MED26: variants seen among roughly 807,000 people sequenced by gnomAD.
MED26 encodes mediator complex subunit 26.
MED26 carries 7 observed loss-of-function variants against 43.7 expected under a neutral mutation model. The ratio of observed to expected loss-of-function variants is 0.16; its 90% CI spans 0.09 to 0.30. The LOEUF (loss-of-function observed/expected upper bound fraction) is 0.30. Among genes scored for constraint, MED26 ranks in the 10% least tolerant of loss-of-function variants. The pLI, the probability that MED26 is intolerant of heterozygous loss-of-function variation, is 1.00. For missense variants in MED26, 784 were observed against 840.6 expected (o/e 0.93, Z 0.83); for synonymous variants, 375 against 371.1 (o/e 1.01, Z -0.12).
At chr19:16,620,114 C>G (rs1438379692) in intron 1 of MED26, among the ~76,000 whole-genome samples, 3 of 152,150 alleles carry the variant, frequency 2.0e-5, no homozygotes, top group Admixed American at 6.5e-5. Flanking sequence ...TCAGCCAGTT[C>G]CAGAGAAAGC....
chr19:16,603,791 T>TCTGGCTCCGTAAGG (rs1223759526), intron 1 of MED26, among the ~76,000 whole-genome samples: 12 of 152,262 alleles, frequency 7.9e-5, no homozygotes, highest in African/African-American at 2.9e-4. Flanking sequence ...GGGAAGGGTC[T>TCTGGCTCCGTAAGG]CTGGCTCCGT....
chr19:16,617,343 T>G (rs187883204), intron 1 of MED26, among the ~76,000 whole-genome samples: 181 of 152,182 alleles, frequency 1.2e-3, no homozygotes, highest in African/African-American at 4.2e-3. Context: ...GCACAAAAGG[T>G]CCTGCTCCTT....
chr19:16,584,369 T>G (rs2086061369), intron 1 of MED26, among the ~76,000 whole-genome samples: 1 of 151,746 alleles, frequency 6.6e-6, no homozygotes, highest in Admixed American at 6.6e-5. Flanking sequence ...GCTGGCACCT[T>G]TGTCCCCAGA....
intron 1 of MED26, among the ~76,000 whole-genome samples, chr19:16,592,041 C>T (rs1052502603): frequency 7.9e-5 from 12 of 152,196 alleles, no homozygotes; most frequent in African/African-American, 2.9e-4. Flanking sequence ...CTCAAGGAGG[C>T]CCAGCCCCAC....
chr19:16,620,888 A>G (rs575543777), intron 1 of MED26, among the ~76,000 whole-genome samples: 25 of 152,212 alleles, frequency 1.6e-4, no homozygotes, highest in Non-Finnish European at 3.1e-4. Context: ...AATTTTCTTT[A>G]AAACAGTTAC....
At chr19:16,602,005 G>A (rs1170103854) in intron 1 of MED26, among the ~76,000 whole-genome samples, 1 of 152,168 alleles carries the variant, frequency 6.6e-6, no homozygotes, top group Non-Finnish European at 1.5e-5. Flanking sequence ...AAGGCAGGCC[G>A]GGAAGCCCAC....
chr19:16,608,908 A>G (rs1215687698), intron 1 of MED26, among the ~76,000 whole-genome samples: 1 of 152,260 alleles, frequency 6.6e-6, no homozygotes, highest in Non-Finnish European at 1.5e-5. Context: ...AAAGCGTGTC[A>G]TGCCTGAAGT....
chr19:16,595,632 A>C (rs2086116770), intron 1 of MED26, among the ~76,000 whole-genome samples: 1 of 152,142 alleles, frequency 6.6e-6, no homozygotes, highest in East Asian at 1.9e-4. Context: ...GTGTGGAGCC[A>C]ACTCACACCC....
In MED26 at chr19:16,576,000, G is replaced by C. The variant is rs752414155; in HGVS notation, c.*27C>G. On this transcript the variant is annotated 3_prime_UTR_variant, in exon 3 of 3. Transcript: ENST00000263390. ...CGCCCACCCGGCTTCTGCAAGATGG[G>C]AATGCACTTTGTGGCTGACAGGCCG... is the stretch of plus-strand genomic sequence containing the variant. 1 of 1,591,722 alleles carries C rather than the reference G, an allele frequency of 6.3e-7. No individual in the cohort carries two copies. Among genetic ancestry groups the C allele is most frequent in the African/African-American group, 1.3e-5 (1 of 74,738 alleles).
At chr19:16,618,195 C>T (rs983328699) in intron 1 of MED26, among the ~76,000 whole-genome samples, 4 of 152,154 alleles carry the variant, frequency 2.6e-5, no homozygotes, top group African/African-American at 9.7e-5. Flanking sequence ...TTCAGAGAAG[C>T]TACAGGAGGG....
rs536987424 is a variant in MED26 at position 16,591,804 on chromosome 19, C to T, written c.73-13395G>A. Among the ~76,000 whole-genome samples, 42 of 152,306 alleles carry T rather than the reference C, an allele frequency of 2.8e-4. 1 individual carries two copies. The South Asian group carries it at 6.8e-3, about 25-fold the overall frequency. On this transcript the variant is annotated intron_variant, in intron 1 of 2. Coordinates refer to ENST00000263390, the MANE Select transcript of MED26 (RefSeq NM_004831.5). ...ACGGTGCGTCTGACAGAGTCTTTTCCCTCCTAATTCCGCATGGTTTTCTCC... is the reference window on the plus strand; with the variant it reads ...ACGGTGCGTCTGACAGAGTCTTTTCTCTCCTAATTCCGCATGGTTTTCTCC...
intron 1 of MED26, among the ~76,000 whole-genome samples, chr19:16,599,163 A>T (rs2086136657): frequency 6.6e-6 from 1 of 151,920 alleles, no homozygotes; most frequent in Non-Finnish European, 1.5e-5. Flanking sequence ...TTTTTTTTCT[A>T]CTTCACTCTT....
Position 16,576,859 on chromosome 19 carries a change from G to A in MED26, c.971C>T (p.Pro324Leu). Residue 324 changes from proline to leucine, a missense_variant, in exon 3 of 3, where the codon CCC (proline) becomes CTC (leucine). Coordinates refer to ENST00000263390, the MANE Select transcript of MED26 (RefSeq NM_004831.5). The surrounding 1 kb of genome is among the most constrained non-coding windows in gnomAD (Gnocchi z 6.8). ...CAGCAGCTCGAGCCGCCGTACGGGG[G>A]GTGTGGACGGCTGTGCCAGTGGAAG... ...SPLPLAQPST[P>L]PVRRLELLPS... 6.2e-7 allele frequency: 1 copy of A among 1,610,960 alleles called. No individual in the cohort carries two copies. The highest frequency in any genetic ancestry group is 8.5e-7 in the Non-Finnish European group (1 of 1,178,764).
intron 1 of MED26, among the ~76,000 whole-genome samples, chr19:16,607,897 A>G (rs1297178428): frequency 6.6e-6 from 1 of 152,204 alleles, no homozygotes; most frequent in Non-Finnish European, 1.5e-5. Context: ...GCTCCTCGTG[A>G]GCCAATGAGG....
chr19:16,597,856 G>A (rs2086129131), intron 1 of MED26, among the ~76,000 whole-genome samples: 1 of 152,124 alleles, frequency 6.6e-6, no homozygotes, highest in East Asian at 1.9e-4. Context: ...ACAAGCAGCT[G>A]GGATTACAGG....
intron 1 of MED26, among the ~76,000 whole-genome samples, chr19:16,583,345 C>G (rs991636093): frequency 3.3e-5 from 5 of 152,380 alleles, no homozygotes; most frequent in Admixed American, 3.3e-4. Flanking sequence ...CCACTAGGGA[C>G]CCCTCAATAG....
chr19:16,575,718 T>C lies in MED26; in HGVS notation c.*309A>G, dbSNP rs986880337. The C allele has an allele frequency of 1.2e-5, 4 of 339,728 alleles. No individual in the cohort carries two copies. Among genetic ancestry groups the C allele is most frequent in the African/African-American group, 2.1e-5 (1 of 48,300 alleles). 21.0% of individuals were successfully genotyped at this position (339,728 alleles called of 1,614,324 possible). A position where few individuals can be genotyped will look rare whatever the true frequency, so the allele number is the denominator to read the frequency against. ...GGTGCTGGAAAGTGTCCGCACCTCT[T>C]TGGGGGTGAGGGACTAACGCTTTTT... On this transcript the variant is annotated 3_prime_UTR_variant, in exon 3 of 3. Coordinates refer to ENST00000263390, the MANE Select transcript of MED26 (RefSeq NM_004831.5).
chr19:16,578,602 C>T, intron 1 of MED26, 193 bp from the exon 2 acceptor site: 1 of 590,572 alleles, frequency 1.7e-6, no homozygotes. Context: ...TCCTCACCTG[C>T]CGTCTGACCT....
chr19:16,599,207 A>G (rs1023470503), intron 1 of MED26, among the ~76,000 whole-genome samples: 2 of 152,050 alleles, frequency 1.3e-5, no homozygotes, highest in Non-Finnish European at 2.9e-5. Flanking sequence ...CTTGGGTGAT[A>G]TTTCGTGGGT....
Sources: allele counts gnomAD v4.1 joint callset (sites outside exome capture counted in the v4.1 genomes callset), GRCh38; gene constraint gnomAD v4.1.1; non-coding constraint Gnocchi (gnomAD v3.1); transcripts MANE v1.5; gene names NCBI Gene and HGNC (gene_info 2026-07-23, HGNC 2026-07-21).